The following HDAC4 variants were observed in gnomAD, a reference collection of about 807,000 sequenced individuals.
HDAC4 encodes the protein histone deacetylase 4.
A neutral mutation model predicts 135.1 loss-of-function variants in HDAC4; 16 were observed. That is an observed-to-expected ratio of 0.12 (90% CI 0.08 to 0.18). HDAC4 has a LOEUF of 0.18. HDAC4 is among the 10% of genes least tolerant of loss of function. HDAC4 has a pLI of 1.00. For missense variants in HDAC4, 1,143 were observed against 1,511.8 expected (o/e 0.76, Z 4.05); for synonymous variants, 685 against 653.4 (o/e 1.05, Z -0.74).
chr2:239,203,739 T>C (rs1023863185), intron 3 of HDAC4, among the ~76,000 whole-genome samples: 2 of 152,114 alleles, frequency 1.3e-5, no homozygotes, highest in African/African-American at 2.4e-5. Flanking sequence ...CCCCCAGCCC[T>C]GGCTGGGGAT....
At chr2:239,209,517 A>G (rs558298367) in intron 3 of HDAC4, among the ~76,000 whole-genome samples, 13 of 152,368 alleles carry the variant, frequency 8.5e-5, no homozygotes, top group African/African-American at 3.1e-4. Context: ...CCACAGGCCA[A>G]AATGGATTCC....
chr2:239,218,004 A>G (rs1189343546), intron 3 of HDAC4, among the ~76,000 whole-genome samples: 1 of 152,194 alleles, frequency 6.6e-6, no homozygotes, highest in Non-Finnish European at 1.5e-5. Context: ...AGGCAGGAGC[A>G]CTGCTTGAGC....
intron 7 of HDAC4, among the ~76,000 whole-genome samples, chr2:239,145,042 C>T (rs902871824): frequency 6.6e-6 from 1 of 152,174 alleles, no homozygotes; most frequent in African/African-American, 2.4e-5. Flanking sequence ...ATTTACTGGG[C>T]GTGGCAGGAG....
chr2:239,344,327 T>A (rs1160703863), intron 2 of HDAC4, among the ~76,000 whole-genome samples: 1 of 152,200 alleles, frequency 6.6e-6, no homozygotes, highest in Non-Finnish European at 1.5e-5. Context: ...TCATCCAACA[T>A]TCAGCATCTC....
chr2:239,149,599 C>T (rs2041983228), intron 7 of HDAC4, among the ~76,000 whole-genome samples: 1 of 152,176 alleles, frequency 6.6e-6, no homozygotes, highest in Non-Finnish European at 1.5e-5. Flanking sequence ...CCCTGCGTGG[C>T]TCCAGATGCT....
At chr2:239,318,323 C>G (rs993109442) in intron 2 of HDAC4, among the ~76,000 whole-genome samples, 1 of 152,248 alleles carries the variant, frequency 6.6e-6, no homozygotes, top group African/African-American at 2.4e-5. Context: ...CACGAGGAAA[C>G]ATGCCGAAAT....
chr2:239,243,804 T>C (rs574954218), intron 2 of HDAC4, among the ~76,000 whole-genome samples: 1 of 152,278 alleles, frequency 6.6e-6, no homozygotes, highest in African/African-American at 2.4e-5. Flanking sequence ...CTCTGCACCC[T>C]CCATGCCCTA....
At chr2:239,271,068 G>A (rs1406992144) in intron 2 of HDAC4, among the ~76,000 whole-genome samples, 2 of 152,226 alleles carry the variant, frequency 1.3e-5, no homozygotes, top group Non-Finnish European at 1.5e-5. Context: ...TGAAGGAAAT[G>A]CAAGATTCAG....
chr2:239,398,809 T>C (rs1229180935), intron 1 of HDAC4, among the ~76,000 whole-genome samples: 3 of 152,214 alleles, frequency 2.0e-5, no homozygotes, highest in African/African-American at 7.2e-5. Flanking sequence ...TCATCTTCCC[T>C]CCACCCCGTC....
chr2:239,242,077 A>AGAAGGAAGGAAGGAAGGAAGGAAG (rs143185918), intron 2 of HDAC4, among the ~76,000 whole-genome samples: 2 of 149,250 alleles, frequency 1.3e-5, no homozygotes, highest in African/African-American at 5.1e-5. Context: ...AGAAAGAAAG[A>AGAAGGAAGGAAGGAAGGAAGGAAG]GAAGGAAGGA....
intron 20 of HDAC4, 92 bp downstream of exon 20, chr2:239,084,063 A>G: frequency 1.1e-6 from 1 of 888,874 alleles, no homozygotes; most frequent in Admixed American, 2.0e-5. Flanking sequence ...TCCCACATCC[A>G]AGAGCCCAGC....
chr2:239,311,482 T>C (rs751174043), intron 2 of HDAC4, among the ~76,000 whole-genome samples: 5 of 152,146 alleles, frequency 3.3e-5, no homozygotes, highest in Non-Finnish European at 4.4e-5. Flanking sequence ...CCGGGAAATG[T>C]AGAATCCAAG....
At chr2:239,261,154 C>T (rs1191223162) in intron 2 of HDAC4, among the ~76,000 whole-genome samples, 2 of 152,096 alleles carry the variant, frequency 1.3e-5, no homozygotes, top group Admixed American at 6.5e-5. Flanking sequence ...ATGGGGTGGC[C>T]GGGGTGGTGT....
intron 2 of HDAC4, among the ~76,000 whole-genome samples, chr2:239,296,286 G>T (rs1426826470): frequency 6.6e-6 from 1 of 152,224 alleles, no homozygotes; most frequent in Non-Finnish European, 1.5e-5. Context: ...GTGTGCCCTG[G>T]GCGTGGACAC....
Position 239,167,995 on chromosome 2 carries a change from GGGAGGGACGGCTGTGCTCCC to G in HDAC4, c.491-4092_491-4073del, listed in dbSNP as rs895782085. 6.6e-6 allele frequency among the ~76,000 whole-genome samples: 1 copy of G among 152,158 alleles called. No individual in the cohort carries two copies. The highest frequency in any genetic ancestry group is 1.5e-5 in the Non-Finnish European group (1 of 68,026). On this transcript the variant is annotated intron_variant, in intron 5 of 26. Coordinates refer to ENST00000543185, the MANE Select transcript of HDAC4 (RefSeq NM_001378414.1). The surrounding 1 kb of genome is among the most constrained non-coding windows in gnomAD (Gnocchi z 4.1). ...AGGTGGGGAGGGACGGCTGTGTTCGGGGAGGGACGGCTGTGCTCCCGGAGGGCCGTGGCCTGGGCCTGGCG... is the reference window on the plus strand; with the variant it reads ...AGGTGGGGAGGGACGGCTGTGTTCGGGGAGGGCCGTGGCCTGGGCCTGGCG...
chr2:239,322,619 G>A (rs1421699200), intron 2 of HDAC4, among the ~76,000 whole-genome samples: 2 of 152,212 alleles, frequency 1.3e-5, no homozygotes, highest in Non-Finnish European at 2.9e-5. Flanking sequence ...TTCCTGTGTG[G>A]TTCACCAGTA....
intron 9 of HDAC4, among the ~76,000 whole-genome samples, chr2:239,137,002 T>G (rs1282891302): frequency 1.3e-5 from 2 of 152,004 alleles, no homozygotes; most frequent in African/African-American, 4.8e-5. Context: ...AGTTAAAGAA[T>G]TATCAGTAAG....
At position 239,358,837 on chromosome 2, in the gene HDAC4, C is replaced by T. The variant is rs147006887; in HGVS notation, c.-219-5919G>A. Among the ~76,000 whole-genome samples the T allele has an allele frequency of 3.4e-3, 525 of 152,322 alleles. 2 individuals carry two copies. The highest frequency in any genetic ancestry group is 0.012 in the African/African-American group (503 of 41,560). The stretch of plus-strand genomic sequence containing the variant: ...GTCATTTCAGAATCGCTAACCTCTA[C>T]ACATGAGAAACACATTCACAAGACC... On this transcript the variant is annotated intron_variant, in intron 1 of 26. Transcript: ENST00000543185.
intron 2 of HDAC4, among the ~76,000 whole-genome samples, chr2:239,276,225 C>G (rs1167474239): frequency 6.6e-6 from 1 of 152,240 alleles, no homozygotes; most frequent in Non-Finnish European, 1.5e-5. Context: ...CTTACAGAGG[C>G]AGGGAGAGGC....
Sources: gnomAD v4.1 joint callset for allele counts (sites outside exome capture counted in the v4.1 genomes callset) on GRCh38, gnomAD v4.1.1 for gene constraint, Gnocchi (gnomAD v3.1) non-coding constraint, MANE v1.5 for transcripts, NCBI Gene and HGNC (gene_info 2026-07-23, HGNC 2026-07-21) for gene names.